The following ETFDH variants were observed in gnomAD, a reference collection of about 807,000 sequenced individuals.
ETFDH encodes electron transfer flavoprotein dehydrogenase.
Under a neutral mutation model 73.2 loss-of-function variants are expected in ETFDH, and 61 were observed. The ratio of observed to expected loss-of-function variants is 0.83; its 90% CI spans 0.68 to 1.03. ETFDH has a LOEUF of 1.03. ETFDH is among the 50% of genes least tolerant of loss of function. ETFDH has a pLI of 0.00. For synonymous variants in ETFDH, 243 were observed against 253.3 expected, an observed-to-expected ratio of 0.96 and a Z score of 0.39; for missense variants, 685 against 745.0, an observed-to-expected ratio of 0.92 and a Z score of 0.94.
In ETFDH at chr4:158,697,753, A is replaced by G. The variant is rs1774350554; in HGVS notation, c.972+54A>G. On this transcript the variant is annotated intron_variant, in intron 8 of 12. Transcript: ENST00000511912. ...CTGCTGCTAGAGTTATATTACCATC[A>G]GTGTTATAAAATAAGGGTTTTGAAT... 6.0e-6 allele frequency: 9 copies of G among 1,495,008 alleles called. No homozygotes were observed. The Admixed American group carries it at 1.3e-4, about 22-fold the overall frequency. The allele number at this position is 1,495,008 out of a possible 1,614,324, so 92.6% of individuals were successfully genotyped here. A position where few individuals can be genotyped will look rare whatever the true frequency, so the allele number is the denominator to read the frequency against.
intron 1 of ETFDH, among the ~76,000 whole-genome samples, chr4:158,675,538 G>A (rs1460703422): frequency 1.3e-5 from 2 of 152,118 alleles, no homozygotes; most frequent in Admixed American, 6.5e-5. Context: ...AGGCTGAGAC[G>A]GGCATATTGC....
At chr4:158,697,404 A>G (rs1052506861) in intron 7 of ETFDH, among the ~76,000 whole-genome samples, 155 bp from the exon 8 acceptor site, 1 of 152,134 alleles carries the variant, frequency 6.6e-6, no homozygotes, top group African/African-American at 2.4e-5. Flanking sequence ...CTTCTTTGAT[A>G]TTTGAAGTAA....
chr4:158,672,302 C>T lies in ETFDH; in HGVS notation c.-155C>T. 1.3e-6 allele frequency: 1 copy of T among 793,360 alleles called. No homozygotes were observed. The allele number at this position is 793,360 out of a possible 1,614,324, so 49.1% of individuals were successfully genotyped here. ...AGAAGGAGGTGGGAACGCCGTGAAGCAAGAGCGGTCGGCAGAGCGGGGAGG... is the reference window on the plus strand; with the variant it reads ...AGAAGGAGGTGGGAACGCCGTGAAGTAAGAGCGGTCGGCAGAGCGGGGAGG... On this transcript the variant is annotated 5_prime_UTR_variant, in exon 1 of 13. Coordinates refer to ENST00000511912, the MANE Select transcript of ETFDH (RefSeq NM_004453.4).
intron 5 of ETFDH, among the ~76,000 whole-genome samples, chr4:158,687,803 G>A (rs1774043571): frequency 6.6e-6 from 1 of 152,200 alleles, no homozygotes; most frequent in Admixed American, 6.5e-5. Flanking sequence ...CACTTTGGGA[G>A]GCCAAGGCAG....
At chr4:158,689,530 C>T (rs1774099766) in intron 5 of ETFDH, among the ~76,000 whole-genome samples, 1 of 143,262 alleles carries the variant, frequency 7.0e-6, no homozygotes, top group Non-Finnish European at 1.5e-5. Context: ...AGCCAAACTT[C>T]AGTTTAGTCT....
intron 5 of ETFDH, 24 bp downstream of exon 5, chr4:158,685,243 T>G (rs1364472300): frequency 8.0e-7 from 1 of 1,248,262 alleles, no homozygotes; most frequent in Non-Finnish European, 1.2e-6. Flanking sequence ...TGTTTTGTTT[T>G]AATATTTATA....
At chr4:158,672,513 G>C in intron 1 of ETFDH, 23 bp downstream of exon 1, 2 of 1,613,720 alleles carry the variant, frequency 1.2e-6, no homozygotes, top group Non-Finnish European at 1.7e-6. Flanking sequence ...GGGCGGTGGG[G>C]ATAAGTGGAG....
At position 158,703,601 on chromosome 4, in the gene ETFDH, T is replaced by C; in HGVS notation, c.1285+10T>C. On this transcript the variant is annotated intron_variant, in intron 10 of 12. Transcript: ENST00000511912. ...CAATCAAAGACAATAGGTAAGAAAT[T>C]CCTGTGTAAAGTATACAAAAGAAAA... 6.4e-7 allele frequency: 1 copy of C among 1,550,784 alleles called. No homozygotes were observed. The highest frequency in any genetic ancestry group is 8.9e-7 in the Non-Finnish European group (1 of 1,123,296).
At chr4:158,682,541 T>C in intron 3 of ETFDH, 117 bp downstream of exon 3, 1 of 861,276 alleles carries the variant, frequency 1.2e-6, no homozygotes, top group South Asian at 1.7e-5. Flanking sequence ...TTTTTTTTTT[T>C]TCTTTTTTTG....
intron 1 of ETFDH, chr4:158,679,769 A>G (rs1454496361): frequency 6.6e-6 from 1 of 152,132 alleles, no homozygotes; most frequent in Non-Finnish European, 1.5e-5. Flanking sequence ...ATACATTTTT[A>G]AGGATATCAG....
At position 158,697,654 on chromosome 4, in the gene ETFDH, C is replaced by T. The variant is rs776728739; in HGVS notation, c.927C>T (p.Leu309=). 2.5e-6 allele frequency: 4 copies of T among 1,613,306 alleles called. No homozygotes were observed. Among genetic ancestry groups the T allele is most frequent in the East Asian group, 4.5e-5 (2 of 44,840 alleles). The change falls in exon 8 of 13, where the codon CTC becomes CTT. Residue 309 remains leucine (L), a synonymous_variant. Coordinates refer to ENST00000511912, the MANE Select transcript of ETFDH (RefSeq NM_004453.4). ...LDRHTYGGSF[L]YHLNEGEPLV... The stretch of plus-strand genomic sequence containing the variant: ...GACATACCTATGGAGGATCTTTCCT[C>T]TATCATTTGAATGAAGGTGAACCCC...
chr4:158,695,380 T>C, intron 6 of ETFDH, 117 bp from the exon 7 acceptor site: 1 of 679,360 alleles, frequency 1.5e-6, no homozygotes, highest in Non-Finnish European at 2.5e-6. Context: ...CTTTATAATA[T>C]TATACATTTG....
intron 1 of ETFDH, among the ~76,000 whole-genome samples, 166 bp from the exon 2 acceptor site, chr4:158,680,301 T>A (rs1773817402): frequency 6.6e-6 from 1 of 152,184 alleles, no homozygotes; most frequent in South Asian, 2.1e-4. Context: ...TATTTAAGAT[T>A]TGAAAACATT....
At position 158,697,696 on chromosome 4, in the gene ETFDH, T is replaced by G. The variant is rs753462513; in HGVS notation, c.969T>G (p.Leu323=). Residue 323 remains leucine, a synonymous_variant, in exon 8 of 13, where the codon CTT becomes CTG. Coordinates refer to ENST00000511912, the MANE Select transcript of ETFDH (RefSeq NM_004453.4). ...GTGAACCCCTAGTAGCTCTTGGTCT[T>G]GTGGTAAGTTATATTCCCATTAGGG... ...NEGEPLVALG[L]VVGLDYQNPY... 3 of 1,613,620 alleles carry G rather than the reference T, an allele frequency of 1.9e-6. No individual in the cohort carries two copies. The East Asian group carries it at 6.7e-5, about 36-fold the overall frequency.
At chr4:158,677,649 T>A (rs950151315) in intron 1 of ETFDH, among the ~76,000 whole-genome samples, 5 of 152,244 alleles carry the variant, frequency 3.3e-5, no homozygotes, top group Non-Finnish European at 7.3e-5. Context: ...CATGTGATGT[T>A]ATACCAGAGT....
Position 158,706,205 on chromosome 4 carries a change from A to AT in ETFDH, c.1303dup (p.Tyr435LeufsTer2), listed in dbSNP as rs1486733753. ...TAATAAAAGGACTCCATGTAACTGA[A>AT]TATGAGGACAATTTGAAGAACTCAT... On this transcript the variant is annotated frameshift_variant, in exon 11 of 13. Transcript: ENST00000511912. LOFTEE classifies it high-confidence loss of function. 2 of 1,610,770 alleles carry AT rather than the reference A, an allele frequency of 1.2e-6. No individual in the cohort carries two copies. The highest frequency in any genetic ancestry group is 3.3e-5 in the Admixed American group (2 of 60,032).
At position 158,709,103 on chromosome 4, in the gene ETFDH, A is replaced by G. The variant is rs1774727342; in HGVS notation, c.*576A>G. On this transcript the variant is annotated 3_prime_UTR_variant, in exon 13 of 13. Coordinates refer to ENST00000511912, the MANE Select transcript of ETFDH (RefSeq NM_004453.4). The stretch of plus-strand genomic sequence containing the variant: ...ACCTAGCATCATCCACCATGGATAC[A>G]TCAAAGAATCGAAGGAAACAATATA... 1.3e-5 allele frequency: 2 copies of G among 153,746 alleles called. No homozygotes were observed. Among genetic ancestry groups the G allele is most frequent in the African/African-American group, 4.8e-5 (2 of 41,452 alleles). 9.5% of individuals were successfully genotyped at this position (153,746 alleles called of 1,614,324 possible).
At chr4:158,677,471 C>T (rs1773739369) in intron 1 of ETFDH, among the ~76,000 whole-genome samples, 1 of 152,172 alleles carries the variant, frequency 6.6e-6, no homozygotes, top group Admixed American at 6.5e-5. Context: ...GTATCAGACT[C>T]TTAGTTAAAT....
chr4:158,680,544 A>G lies in ETFDH; in HGVS notation c.112A>G (p.Thr38Ala), dbSNP rs2150304376. The change falls in exon 2 of 13, where the codon ACT becomes GCT. Residue 38 changes from threonine to alanine, a missense_variant. By Grantham distance (58) the Thr-to-Ala change is moderately conservative (BLOSUM62 0). This residue lies in a region of ETFDH where 405 missense variants were observed against 399.3 expected (regional missense o/e 1.01). Coordinates refer to ENST00000511912, the MANE Select transcript of ETFDH (RefSeq NM_004453.4). The stretch of plus-strand genomic sequence containing the variant: ...TGCTACAAGATGGTCTTCAACTTCT[A>G]CTGTGCCTCGAATTACTACCCATTA... ...LCATRWSSTS[T>A]VPRITTHYTI... The G allele has an allele frequency of 6.2e-7, 1 of 1,605,668 alleles. No individual in the cohort carries two copies. The highest frequency in any genetic ancestry group is 8.5e-7 in the Non-Finnish European group (1 of 1,172,396).
Sources: gnomAD v4.1 joint callset for allele counts (sites outside exome capture counted in the v4.1 genomes callset) on GRCh38, gnomAD v4.1.1 for gene constraint, gnomAD v4.1.1 regional missense constraint, MANE v1.5 for transcripts, NCBI Gene and HGNC (gene_info 2026-07-23, HGNC 2026-07-21) for gene names.